The following KLRG2 variants were observed in gnomAD, a reference collection of about 807,000 sequenced individuals.
The protein encoded by KLRG2 is killer cell lectin-like receptor subfamily G member 2.
Under a neutral mutation model 35.4 loss-of-function variants are expected in KLRG2, and 39 were observed. That is an observed-to-expected ratio of 1.10 (90% CI 0.85 to 1.44). KLRG2 has a LOEUF of 1.44. Ranked by LOEUF, KLRG2 falls within the 40% of genes most tolerant of loss-of-function variation. The pLI is 0.00. For missense variants in KLRG2, 632 were observed against 570.9 expected, an observed-to-expected ratio of 1.11 and a Z score of -1.09; for synonymous variants, 283 against 265.8, an observed-to-expected ratio of 1.06 and a Z score of -0.63.
At chr7:139,443,094 C>CTTTT in the KLRG2 span, among the ~76,000 whole-genome samples, 25,370 of 120,084 alleles carry the variant, frequency 0.21, 3,607 homozygotes, top group African/African-American at 0.33. Flanking sequence ...GGAAAAAAAA[C>CTTTT]TTTTTTTTTT....
intron 3 of KLRG2, among the ~76,000 whole-genome samples, chr7:139,461,245 TA>T (rs527784480): frequency 8.1e-5 from 12 of 147,594 alleles, no homozygotes; most frequent in Admixed American, 1.4e-4. Flanking sequence ...AGACTCCATC[TA>T]AAAAAAAAAG....
At chr7:139,432,788 T>C in the KLRG2 span, among the ~76,000 whole-genome samples, 1 of 152,218 alleles carries the variant, frequency 6.6e-6, no homozygotes, top group Non-Finnish European at 1.5e-5. Context: ...ATGTAAATGC[T>C]ACGTAAACAG....
intron 3 of KLRG2, among the ~76,000 whole-genome samples, chr7:139,465,037 T>C (rs1796627643): frequency 6.6e-6 from 1 of 152,190 alleles, no homozygotes; most frequent in Non-Finnish European, 1.5e-5. Context: ...TCCCCATATT[T>C]CCTTCTTTCC....
At chr7:139,465,648 C>T (rs955539033) in intron 3 of KLRG2, among the ~76,000 whole-genome samples, 1 of 149,608 alleles carries the variant, frequency 6.7e-6, no homozygotes, top group East Asian at 1.9e-4. Context: ...GCCGAGATGG[C>T]ACCACTGCAC....
At chr7:139,478,202 T>G (rs990314731) in intron 3 of KLRG2, among the ~76,000 whole-genome samples, 1 of 149,332 alleles carries the variant, frequency 6.7e-6, no homozygotes, top group Admixed American at 6.7e-5. Context: ...GACTTGTGTC[T>G]CTACAAAAAA....
At chr7:139,450,607 T>C (rs1307280726), downstream of KLRG2, among the ~76,000 whole-genome samples, 6 of 152,206 alleles carry the variant, frequency 3.9e-5, no homozygotes, top group African/African-American at 1.4e-4. Flanking sequence ...TCAGACACAA[T>C]CAGTTTTATT....
the KLRG2 span, among the ~76,000 whole-genome samples, chr7:139,429,806 A>G: frequency 7.2e-5 from 11 of 152,096 alleles, no homozygotes; most frequent in African/African-American, 1.9e-4. Flanking sequence ...CGATTTCTCA[A>G]TCTTTTCCCC....
chr7:139,452,430 C>T (rs544705938), downstream of KLRG2, among the ~76,000 whole-genome samples: 51 of 152,216 alleles, frequency 3.4e-4, no homozygotes, highest in African/African-American at 1.2e-3. Context: ...GCACATGTAC[C>T]CCAGAACTTA....
the KLRG2 span, among the ~76,000 whole-genome samples, chr7:139,432,523 CTA>C: frequency 6.8e-6 from 1 of 146,838 alleles, no homozygotes; most frequent in South Asian, 2.2e-4. Flanking sequence ...TCCTCGGTAT[CTA>C]TGGGGGATTG....
At chr7:139,437,322 G>A in the KLRG2 span, among the ~76,000 whole-genome samples, 2 of 151,528 alleles carry the variant, frequency 1.3e-5, no homozygotes, top group Non-Finnish European at 1.5e-5. Context: ...CTACTCGGGA[G>A]GCTGAGATGG....
chr7:139,447,638 A>G, the KLRG2 span, among the ~76,000 whole-genome samples: 2 of 151,952 alleles, frequency 1.3e-5, no homozygotes, highest in African/African-American at 4.8e-5. Flanking sequence ...CCTGACCTCA[A>G]GTGATCTGCC....
rs191488392 is a variant in KLRG2 at position 139,483,172 on chromosome 7, C to T, written c.471G>A (p.Glu157=). The T allele has an allele frequency of 1.1e-3, 1,581 of 1,503,330 alleles. 21 individuals are homozygous for T. In the African/African-American group the frequency reaches 0.02, roughly 19 times the overall value. The allele number at this position is 1,503,330 out of a possible 1,614,324, so 93.1% of individuals were successfully genotyped here. A position where few individuals can be genotyped will look rare whatever the true frequency, so the allele number is the denominator to read the frequency against. ...CCGCGTGGCGGGAGAAGGCAGGGGACTCGGGCACCGGCACCTTGAGGAAGC... is the reference window on the plus strand; with the variant it reads ...CCGCGTGGCGGGAGAAGGCAGGGGATTCGGGCACCGGCACCTTGAGGAAGC... The part of the protein sequence containing the change: ...STRFLKVPVP[E]SPAFSRHADP... The change falls in exon 1 of 5, where the codon GAG becomes GAA. Residue 157 remains glutamate, a synonymous_variant. Transcript: ENST00000340940.
At chr7:139,469,984 A>C (rs1796728876) in intron 3 of KLRG2, among the ~76,000 whole-genome samples, 1 of 152,214 alleles carries the variant, frequency 6.6e-6, no homozygotes, top group Non-Finnish European at 1.5e-5. Context: ...GGACAACCAA[A>C]GGAAAGAGCT....
intron 3 of KLRG2, among the ~76,000 whole-genome samples, chr7:139,471,256 A>C (rs1411766251): frequency 6.6e-6 from 1 of 152,162 alleles, no homozygotes; most frequent in Non-Finnish European, 1.5e-5. Flanking sequence ...ATAATGAGTA[A>C]AATTTATTTT....
chr7:139,431,527 G>A, the KLRG2 span, among the ~76,000 whole-genome samples: 7 of 151,948 alleles, frequency 4.6e-5, no homozygotes, highest in African/African-American at 1.7e-4. Context: ...AATTGGGAAA[G>A]ACCTTGTTTG....
chr7:139,445,787 ATATATGTGTG>A, the KLRG2 span, among the ~76,000 whole-genome samples: 47 of 125,034 alleles, frequency 3.8e-4, 7 homozygotes, highest in African/African-American at 2.3e-3. Flanking sequence ...ATATGTATAT[ATATATGTGTG>A]TATATATATA....
At chr7:139,428,338 G>A in the KLRG2 span, among the ~76,000 whole-genome samples, 1 of 152,036 alleles carries the variant, frequency 6.6e-6, no homozygotes, top group East Asian at 1.9e-4. Flanking sequence ...TGACCTCCTG[G>A]ACTCAAGTAA....
At position 139,476,408 on chromosome 7, in the gene KLRG2, G is replaced by A. The variant is rs986373746; in HGVS notation, c.1005+3219C>T. Reference sequence around the variant, plus strand: ...GGTCCAGACTGGAACAGAGAAGAGAGGATTCCAGAAGGCTCTCTGGCCCGG... The same window carrying A: ...GGTCCAGACTGGAACAGAGAAGAGAAGATTCCAGAAGGCTCTCTGGCCCGG... On this transcript the variant is annotated intron_variant, in intron 3 of 4. Transcript: ENST00000340940. Among the ~76,000 whole-genome samples the A allele has an allele frequency of 4.6e-5, 7 of 151,946 alleles. No individual in the cohort carries two copies. In the East Asian group the frequency reaches 1.2e-3, roughly 25 times the overall value.
At chr7:139,467,812 C>T (rs1379862180) in intron 3 of KLRG2, among the ~76,000 whole-genome samples, 1 of 148,066 alleles carries the variant, frequency 6.8e-6, no homozygotes, top group African/African-American at 2.6e-5. Context: ...CGTCCCCCAG[C>T]CCGACACCCA....
Sources: gnomAD v4.1 joint callset for allele counts (sites outside exome capture counted in the v4.1 genomes callset) on GRCh38, gnomAD v4.1.1 for gene constraint, MANE v1.5 for transcripts, NCBI Gene and HGNC (gene_info 2026-07-23, HGNC 2026-07-21) for gene names.